The following DLG2 variants were observed in gnomAD, a reference collection of about 807,000 sequenced individuals.
DLG2 encodes discs large MAGUK scaffold protein 2.
DLG2 carries 45 observed loss-of-function variants against 132.5 expected under a neutral mutation model. That is an observed-to-expected ratio of 0.34 (90% CI 0.27 to 0.44). DLG2 has a LOEUF of 0.44. Among genes scored for constraint, DLG2 ranks in the 20% least tolerant of loss-of-function variants. The probability of loss-of-function intolerance (pLI) is 1.00; values close to 1 mark genes in which losing one functional copy is unlikely to be tolerated. For synonymous variants in DLG2, 424 were observed against 419.6 expected (o/e 1.01, Z -0.13); for missense variants, 1,045 against 1,196.9 (o/e 0.87, Z 1.87).
chr11:84,877,320 A>C (rs1365960382), intron 6 of DLG2, among the ~76,000 whole-genome samples: 1 of 151,944 alleles, frequency 6.6e-6, no homozygotes, highest in African/African-American at 2.4e-5. Flanking sequence ...GTGGGAGTGT[A>C]AGCCTCTTTT....
intron 3 of DLG2, among the ~76,000 whole-genome samples, chr11:85,467,552 C>CA (rs1477063371): frequency 6.6e-6 from 1 of 152,142 alleles, no homozygotes; most frequent in Non-Finnish European, 1.5e-5. Flanking sequence ...GCCTTTTCTG[C>CA]ATTTATTGAG....
At chr11:85,494,677 C>G (rs2093632423) in intron 3 of DLG2, among the ~76,000 whole-genome samples, 1 of 151,774 alleles carries the variant, frequency 6.6e-6, no homozygotes, top group Non-Finnish European at 1.5e-5. Flanking sequence ...ATTAATGAAT[C>G]TCATAAAAAT....
At position 84,940,236 on chromosome 11, in the gene DLG2, C is replaced by T. The variant is rs765434663; in HGVS notation, c.357+171425G>A. Among the ~76,000 whole-genome samples, 11 of 152,178 alleles carry T rather than the reference C, an allele frequency of 7.2e-5. No individual in the cohort carries two copies. In the East Asian group the frequency reaches 1.4e-3, roughly 19 times the overall value. On this transcript the variant is annotated intron_variant, in intron 6 of 27. Coordinates refer to ENST00000376104, the MANE Select transcript of DLG2 (RefSeq NM_001142699.3). ...CACAATCTCAGCTCACTGCAACCCCCGCCTCCTGGGTTCAAACGATTCTCC... is the reference window on the plus strand; with the variant it reads ...CACAATCTCAGCTCACTGCAACCCCTGCCTCCTGGGTTCAAACGATTCTCC...
chr11:84,957,757 A>G (rs1245148558), intron 6 of DLG2, among the ~76,000 whole-genome samples: 1 of 152,240 alleles, frequency 6.6e-6, no homozygotes, highest in East Asian at 1.9e-4. Flanking sequence ...ATATTTTTCA[A>G]AAAAAGAGAG....
intron 6 of DLG2, among the ~76,000 whole-genome samples, chr11:84,982,727 T>A (rs115626027): frequency 0.011 from 1,731 of 152,118 alleles, 43 homozygotes; most frequent in African/African-American, 0.04. Flanking sequence ...AAAATAATTA[T>A]ATACCAAGAT....
intron 6 of DLG2, among the ~76,000 whole-genome samples, chr11:84,841,138 A>C (rs2080618415): frequency 6.6e-6 from 1 of 151,922 alleles, no homozygotes; most frequent in African/African-American, 2.4e-5. Context: ...ATTTATGTAA[A>C]GCTTTAAAAT....
intron 11 of DLG2, among the ~76,000 whole-genome samples, chr11:83,997,174 C>T (rs1182731731): frequency 6.6e-6 from 1 of 151,746 alleles, no homozygotes. Context: ...AAACTATTAT[C>T]AGACTTACTG....
At chr11:85,056,675 T>C (rs892264720) in intron 6 of DLG2, among the ~76,000 whole-genome samples, 3 of 151,640 alleles carry the variant, frequency 2.0e-5, no homozygotes, top group Non-Finnish European at 4.4e-5. Context: ...GTAGGGAAAG[T>C]ACAAAGAAAA....
intron 7 of DLG2, among the ~76,000 whole-genome samples, chr11:84,487,348 T>C (rs2099153689): frequency 6.6e-6 from 1 of 152,066 alleles, no homozygotes; most frequent in African/African-American, 2.4e-5. Context: ...AAATGCTTGA[T>C]AAAATTTAGC....
intron 6 of DLG2, among the ~76,000 whole-genome samples, chr11:84,785,043 C>T (rs565354651): frequency 9.2e-5 from 14 of 151,840 alleles, no homozygotes; most frequent in South Asian, 4.1e-4. Flanking sequence ...TTTAAAACAT[C>T]GCATGGTTCA....
At chr11:83,649,525 G>A (rs913453269) in intron 18 of DLG2, among the ~76,000 whole-genome samples, 7 of 152,122 alleles carry the variant, frequency 4.6e-5, no homozygotes, top group Non-Finnish European at 4.4e-5. Context: ...GATGAGGCAG[G>A]AATAACCAGG....
chr11:85,242,770 G>C (rs1028373754), intron 4 of DLG2, among the ~76,000 whole-genome samples: 1 of 151,558 alleles, frequency 6.6e-6, no homozygotes. Context: ...TTTGATGCTT[G>C]TCAGAAAACC....
At chr11:83,526,429 C>T (rs989835111) in intron 21 of DLG2, among the ~76,000 whole-genome samples, 7 of 152,164 alleles carry the variant, frequency 4.6e-5, no homozygotes, top group African/African-American at 1.7e-4. Context: ...CATTCCATTC[C>T]CTTTGCTCTA....
At chr11:84,558,772 C>A (rs1309567938) in intron 6 of DLG2, among the ~76,000 whole-genome samples, 1 of 152,150 alleles carries the variant, frequency 6.6e-6, no homozygotes, top group African/African-American at 2.4e-5. Flanking sequence ...ACTCATAGTT[C>A]ACATTTCCAT....
Position 85,087,821 on chromosome 11 carries a change from G to T in DLG2, c.357+23840C>A, listed in dbSNP as rs1468941531. Among the ~76,000 whole-genome samples, 6 of 130,112 alleles carry T rather than the reference G, an allele frequency of 4.6e-5. No individual in the cohort carries two copies. In the South Asian group the frequency reaches 1.3e-3, roughly 29 times the overall value. 85.4% of individuals were successfully genotyped at this position (130,112 alleles called of 152,430 possible). ...CCACTGCAGTCCGCAGTCCGGCCTG[G>T]GCGACAGAGCGAGACTCCGTCTCAA... On this transcript the variant is annotated intron_variant, in intron 6 of 27. Coordinates refer to ENST00000376104, the MANE Select transcript of DLG2 (RefSeq NM_001142699.3).
At chr11:85,394,400 T>G (rs2087097347) in intron 3 of DLG2, among the ~76,000 whole-genome samples, 1 of 152,166 alleles carries the variant, frequency 6.6e-6, no homozygotes, top group South Asian at 2.1e-4. Flanking sequence ...AATAGCCACT[T>G]TCAGATAAAA....
At chr11:85,119,175 T>C (rs1342805920) in intron 5 of DLG2, among the ~76,000 whole-genome samples, 2 of 152,024 alleles carry the variant, frequency 1.3e-5, no homozygotes, top group Non-Finnish European at 2.9e-5. Context: ...TTTTTGTCAG[T>C]ATATAGAAGA....
chr11:83,862,665 A>C (rs546492451), intron 16 of DLG2, among the ~76,000 whole-genome samples: 1 of 151,614 alleles, frequency 6.6e-6, no homozygotes, highest in African/African-American at 2.4e-5. Flanking sequence ...CCCCACTCCA[A>C]AAAAAAAGAG....
rs150799584 is a variant in DLG2 at position 83,603,857 on chromosome 11, T to C, written c.1940+29354A>G. 9.0e-4 allele frequency among the ~76,000 whole-genome samples: 137 copies of C among 152,330 alleles called. 1 individual carries two copies. The South Asian group carries it at 9.1e-3, about 10-fold the overall frequency. On this transcript the variant is annotated intron_variant, in intron 19 of 27. Coordinates refer to ENST00000376104, the MANE Select transcript of DLG2 (RefSeq NM_001142699.3). The stretch of plus-strand genomic sequence containing the variant: ...TTTCTGATTGCTTTATAGTTCTCCA[T>C]GTATAGTATTCTAGAAGTGATTTTT...
Sources: gnomAD v4.1 joint callset for allele counts (sites outside exome capture counted in the v4.1 genomes callset) on GRCh38, gnomAD v4.1.1 for gene constraint, MANE v1.5 for transcripts, NCBI Gene and HGNC (gene_info 2026-07-23, HGNC 2026-07-21) for gene names.